Variants in ZNF407 observed in about 807,000 individuals in gnomAD.
The protein encoded by ZNF407 is zinc finger protein 407.
A neutral mutation model predicts 131.2 loss-of-function variants in ZNF407; 17 were observed. The observed-to-expected ratio is 0.13, with a 90% CI of 0.09 to 0.19. The LOEUF (loss-of-function observed/expected upper bound fraction) is 0.19. Ranked by LOEUF, ZNF407 falls within the 10% of genes least tolerant of loss-of-function variation. ZNF407 has a pLI of 1.00. For synonymous variants in ZNF407, 1,156 were observed against 1,062.0 expected, an observed-to-expected ratio of 1.09 and a Z score of -1.72; for missense variants, 2,681 against 2,830.6, an observed-to-expected ratio of 0.95 and a Z score of 1.20.
At chr18:74,728,783 G>A (rs770912868) in intron 3 of ZNF407, among the ~76,000 whole-genome samples, 1 of 152,198 alleles carries the variant, frequency 6.6e-6, no homozygotes, top group Non-Finnish European at 1.5e-5. Context: ...AGAAGCCATG[G>A]GCAGTGCTGG....
At chr18:74,985,398 C>T (rs1251292230) in intron 8 of ZNF407, among the ~76,000 whole-genome samples, 2 of 152,074 alleles carry the variant, frequency 1.3e-5, no homozygotes, top group Admixed American at 6.5e-5. Context: ...TTGTTGATGT[C>T]GTTGACATGA....
At chr18:74,964,410 A>G (rs1568284945) in intron 8 of ZNF407, among the ~76,000 whole-genome samples, 1 of 152,202 alleles carries the variant, frequency 6.6e-6, no homozygotes. Context: ...TCACTAAGCA[A>G]ATGAATGAAG....
chr18:74,628,969 G>A (rs909561965), intron 1 of ZNF407, among the ~76,000 whole-genome samples: 1 of 152,122 alleles, frequency 6.6e-6, no homozygotes, highest in African/African-American at 2.4e-5. Flanking sequence ...AAACATTTGG[G>A]TTGTTTCCAC....
intron 4 of ZNF407, among the ~76,000 whole-genome samples, chr18:74,828,434 C>CA (rs1229063091): frequency 6.6e-6 from 1 of 152,144 alleles, no homozygotes; most frequent in East Asian, 1.9e-4. Context: ...TCCTGGGAGG[C>CA]AAGGGTCTTA....
At position 74,738,156 on chromosome 18, in the gene ZNF407, T is replaced by C. The variant is rs549154031; in HGVS notation, c.4803-43272T>C. Reference sequence around the variant, plus strand: ...GGGACGTTGGGCCAGGTGCGGTGGCTCACACCTGTAATCCCAGCACTTTGG... The same window carrying C: ...GGGACGTTGGGCCAGGTGCGGTGGCCCACACCTGTAATCCCAGCACTTTGG... On this transcript the variant is annotated intron_variant, in intron 3 of 8. Coordinates refer to ENST00000299687, the MANE Select transcript of ZNF407 (RefSeq NM_017757.3). Among the ~76,000 whole-genome samples, 277 of 152,186 alleles carry C rather than the reference T, an allele frequency of 1.8e-3. 3 individuals are homozygous for C. Among genetic ancestry groups the C allele is most frequent in the African/African-American group, 6.5e-3 (270 of 41,524 alleles).
intron 4 of ZNF407, among the ~76,000 whole-genome samples, chr18:74,786,738 A>G (rs1220777355): frequency 6.6e-6 from 1 of 150,994 alleles, no homozygotes; most frequent in Non-Finnish European, 1.5e-5. Flanking sequence ...TTAAATATAA[A>G]TAGTATCTAT....
At chr18:74,599,177 T>C (rs1018790747) in intron 1 of ZNF407, among the ~76,000 whole-genome samples, 3 of 152,192 alleles carry the variant, frequency 2.0e-5, no homozygotes, top group South Asian at 2.1e-4. Flanking sequence ...GTAGGAATTA[T>C]TCCCTTTTTA....
intron 8 of ZNF407, among the ~76,000 whole-genome samples, chr18:74,931,324 C>T (rs1971979949): frequency 6.6e-6 from 1 of 151,988 alleles, no homozygotes; most frequent in Admixed American, 6.6e-5. Flanking sequence ...GACTTGTATC[C>T]AGAATATACA....
chr18:74,805,930 A>T (rs1289836546), intron 4 of ZNF407, among the ~76,000 whole-genome samples: 1 of 152,166 alleles, frequency 6.6e-6, no homozygotes. Flanking sequence ...TTCTTTGTTT[A>T]ATGGAAGAGC....
rs752985841 is a variant in ZNF407 at position 74,630,986 on chromosome 18, C to T, written c.-34C>T. 1.5e-5 allele frequency: 24 copies of T among 1,552,106 alleles called. No homozygotes were observed. The highest frequency in any genetic ancestry group is 1.1e-4 in the South Asian group (9 of 80,494). On this transcript the variant is annotated 5_prime_UTR_variant, in exon 2 of 9. Transcript: ENST00000299687. Reference sequence around the variant, plus strand: ...TCACAGGTTATGAGTGCCAGTGAGCCGCCTTAGATAGAAGCATCGTCAGCA... The same window carrying T: ...TCACAGGTTATGAGTGCCAGTGAGCTGCCTTAGATAGAAGCATCGTCAGCA...
chr18:74,975,658 A>G (rs1972520068), intron 8 of ZNF407, among the ~76,000 whole-genome samples: 2 of 152,254 alleles, frequency 1.3e-5, no homozygotes, highest in African/African-American at 4.8e-5. Context: ...TCTATAGATT[A>G]CATCTCAGTG....
intron 4 of ZNF407, among the ~76,000 whole-genome samples, chr18:74,842,817 G>A (rs1216559345): frequency 6.6e-6 from 1 of 152,068 alleles, no homozygotes; most frequent in East Asian, 1.9e-4. Context: ...TCTGCCTCCT[G>A]GGTTCAAGTG....
At position 74,964,589 on chromosome 18, in the gene ZNF407, T is replaced by TTG. The variant is rs1555704503; in HGVS notation, c.5428+43898_5428+43899insGT. Among the ~76,000 whole-genome samples the TTG allele has an allele frequency of 2.0e-5, 3 of 151,544 alleles. No individual in the cohort carries two copies. The East Asian group carries it at 5.8e-4, about 29-fold the overall frequency. On this transcript the variant is annotated intron_variant, in intron 8 of 8. Transcript: ENST00000299687. ...ACAACCTATCATCCGGGTTTTTTTT[T>TTG]TTTTTTTTTTTGGGTCTTCTGAACC...
rs538281820 is a variant in ZNF407 at position 74,627,860 on chromosome 18, C to T, written c.-53-3107C>T. Among the ~76,000 whole-genome samples, 208 of 147,286 alleles carry T rather than the reference C, an allele frequency of 1.4e-3. 1 individual carries two copies. The highest frequency in any genetic ancestry group is 3.9e-3 in the African/African-American group (155 of 39,556). On this transcript the variant is annotated intron_variant, in intron 1 of 8. Coordinates refer to ENST00000299687, the MANE Select transcript of ZNF407 (RefSeq NM_017757.3). ...CGCCCCACCCCGCCCCGCCCCGCCC[C>T]GCCCCTTTTCTCTTCTCTTTCCTTT...
chr18:74,886,757 G>C (rs1031823343), intron 6 of ZNF407, among the ~76,000 whole-genome samples: 1 of 152,184 alleles, frequency 6.6e-6, no homozygotes, highest in Non-Finnish European at 1.5e-5. Flanking sequence ...AGGGAACCTT[G>C]AAGTTAAAAG....
rs189161641 is a variant in ZNF407, at chr18:75,064,919, A to G, written c.*451A>G. 2.6e-3 allele frequency: 405 copies of G among 155,956 alleles called. 4 individuals are homozygous for G. Among genetic ancestry groups the G allele is most frequent in the Admixed American group, 4.6e-3 (71 of 15,486 alleles). The allele number at this position is 155,956 out of a possible 1,614,324, so 9.7% of individuals were successfully genotyped here. A position where few individuals can be genotyped will look rare whatever the true frequency, so the allele number is the denominator to read the frequency against. ...GCACCTGCTTGTGCAGTCAGCATGT[A>G]GCTGCCTTTCCATTTCATTCTCTAC... On this transcript the variant is annotated 3_prime_UTR_variant, in exon 9 of 9. Coordinates refer to ENST00000299687, the MANE Select transcript of ZNF407 (RefSeq NM_017757.3).
intron 4 of ZNF407, among the ~76,000 whole-genome samples, chr18:74,806,508 C>G (rs188493575): frequency 6.6e-6 from 1 of 152,180 alleles, no homozygotes; most frequent in Non-Finnish European, 1.5e-5. Flanking sequence ...TTTTGACTCT[C>G]AGAGCCTTAG....
chr18:74,955,847 C>G (rs1003061497), intron 8 of ZNF407, among the ~76,000 whole-genome samples: 1 of 152,194 alleles, frequency 6.6e-6, no homozygotes, highest in Non-Finnish European at 1.5e-5. Flanking sequence ...TCTCCCTGCA[C>G]ACACGGTGCA....
chr18:75,037,672 C>A (rs1432455868), intron 8 of ZNF407, among the ~76,000 whole-genome samples: 1 of 151,980 alleles, frequency 6.6e-6, no homozygotes, highest in Non-Finnish European at 1.5e-5. Flanking sequence ...GTAATGCTCG[C>A]GCTGGAATTT....
Sources: allele counts gnomAD v4.1 joint callset (sites outside exome capture counted in the v4.1 genomes callset), GRCh38; gene constraint gnomAD v4.1.1; transcripts MANE v1.5; gene names NCBI Gene and HGNC (gene_info 2026-07-23, HGNC 2026-07-21).